Variants in UBR3 observed in about 807,000 individuals in gnomAD.
UBR3 encodes E3 ubiquitin-protein ligase UBR3.
In UBR3, 85 loss-of-function variants were observed where a neutral mutation model predicts 243.2. The observed-to-expected ratio is 0.35, with a 90% CI of 0.29 to 0.42. The LOEUF (loss-of-function observed/expected upper bound fraction) is 0.42. UBR3 is among the 10% of genes least tolerant of loss of function. UBR3 has a pLI of 1.00. For synonymous variants in UBR3, 748 were observed against 799.8 expected, an observed-to-expected ratio of 0.94 and a Z score of 1.09; for missense variants, 1,686 against 2,300.8, an observed-to-expected ratio of 0.73 and a Z score of 5.47.
intron 30 of UBR3, among the ~76,000 whole-genome samples, chr2:170,027,497 G>A (rs1413156732): frequency 6.6e-6 from 1 of 151,614 alleles, no homozygotes; most frequent in South Asian, 2.1e-4. Context: ...TATTTTCTGT[G>A]CTGGCTGTGG....
At chr2:169,908,379 A>T (rs1361670711) in intron 10 of UBR3, among the ~76,000 whole-genome samples, 1 of 152,158 alleles carries the variant, frequency 6.6e-6, no homozygotes, top group Non-Finnish European at 1.5e-5. Flanking sequence ...TATATAATCT[A>T]CTCATTTATT....
chr2:169,920,304 C>T (rs1230373260), intron 11 of UBR3, among the ~76,000 whole-genome samples: 1 of 151,982 alleles, frequency 6.6e-6, no homozygotes, highest in African/African-American at 2.4e-5. Flanking sequence ...CGTCACACAC[C>T]AGGGCCTGTT....
At chr2:169,992,781 G>A (rs1212347998) in intron 25 of UBR3, among the ~76,000 whole-genome samples, 6 of 152,070 alleles carry the variant, frequency 3.9e-5, no homozygotes, top group African/African-American at 1.4e-4. Context: ...TATATTTTGA[G>A]ACAGAGTCCC....
intron 8 of UBR3, 133 bp from the exon 9 acceptor site, chr2:169,904,981 T>C (rs1194744343): frequency 1.7e-6 from 1 of 586,506 alleles, no homozygotes; most frequent in African/African-American, 1.9e-5. Context: ...CCTAAAGCCA[T>C]ATAGGTATTA....
At chr2:169,885,228 A>T (rs1574121647) in intron 5 of UBR3, among the ~76,000 whole-genome samples, 1 of 152,194 alleles carries the variant, frequency 6.6e-6, no homozygotes, top group Non-Finnish European at 1.5e-5. Context: ...GGAAGATAGG[A>T]TGAGAATAAA....
intron 11 of UBR3, 28 bp from the exon 12 acceptor site, chr2:169,923,901 A>T (rs1328337031): frequency 2.0e-6 from 3 of 1,516,668 alleles, no homozygotes; most frequent in Non-Finnish European, 2.7e-6. Flanking sequence ...ATAGTCTTTG[A>T]CTTGTGCATT....
At position 170,045,678 on chromosome 2, in the gene UBR3, A is replaced by G. The variant is rs142066360; in HGVS notation, c.4660+4693A>G. Among the ~76,000 whole-genome samples the G allele has an allele frequency of 2.7e-3, 409 of 152,326 alleles. 5 individuals are homozygous for G. Among genetic ancestry groups the G allele is most frequent in the Non-Finnish European group, 2.4e-3 (165 of 68,032 alleles). On this transcript the variant is annotated intron_variant, in intron 32 of 38. Transcript: ENST00000272793. ...AAAAACTATTTATTTACAAGCATAC[A>G]TAACAGTAAAGAGCAGAGTTTCATG... is the stretch of plus-strand genomic sequence containing the variant.
intron 33 of UBR3, 113 bp downstream of exon 33, chr2:170,055,697 A>C: frequency 7.5e-7 from 1 of 1,341,718 alleles, no homozygotes; most frequent in Non-Finnish European, 1.0e-6. Flanking sequence ...TTTTAATTGT[A>C]AATTGAGCAC....
At chr2:169,983,729 G>GCATTGCACTT (rs1468273681) in intron 24 of UBR3, among the ~76,000 whole-genome samples, 5 of 152,172 alleles carry the variant, frequency 3.3e-5, no homozygotes, top group Admixed American at 3.3e-4. Flanking sequence ...AAGTGTAATA[G>GCATTGCACTT]CATTCAGAAG....
intron 5 of UBR3, among the ~76,000 whole-genome samples, chr2:169,889,127 A>T (rs2084227903): frequency 6.6e-6 from 1 of 152,138 alleles, no homozygotes. Flanking sequence ...TCAGATGCAG[A>T]TAATCTCCCT....
At position 170,079,061 on chromosome 2, in the gene UBR3, A is replaced by G. The variant is rs189832595; in HGVS notation, c.5200-753A>G. Among the ~76,000 whole-genome samples the G allele has an allele frequency of 5.0e-3, 763 of 152,274 alleles. 5 individuals are homozygous for G. The highest frequency in any genetic ancestry group is 7.3e-3 in the Admixed American group (112 of 15,288). ...GAGATGATCTCCATTTAAATTGACTATTACTTACAGTTTCTTAAGATAATA... is the reference window on the plus strand; with the variant it reads ...GAGATGATCTCCATTTAAATTGACTGTTACTTACAGTTTCTTAAGATAATA... On this transcript the variant is annotated intron_variant, in intron 36 of 38. Coordinates refer to ENST00000272793, the MANE Select transcript of UBR3 (RefSeq NM_172070.4).
intron 1 of UBR3, among the ~76,000 whole-genome samples, chr2:169,859,953 GT>G (rs1216971796): frequency 6.6e-6 from 1 of 152,042 alleles, no homozygotes; most frequent in Non-Finnish European, 1.5e-5. Context: ...TCCTGACCTT[GT>G]GATCCACCCG....
At chr2:170,074,816 T>G (rs2091771034) in intron 36 of UBR3, among the ~76,000 whole-genome samples, 1 of 152,186 alleles carries the variant, frequency 6.6e-6, no homozygotes, top group Non-Finnish European at 1.5e-5. Context: ...TTCATTACAT[T>G]TGTTTCTTTA....
At chr2:169,992,256 C>T (rs972909022) in intron 25 of UBR3, among the ~76,000 whole-genome samples, 4 of 152,100 alleles carry the variant, frequency 2.6e-5, no homozygotes, top group Non-Finnish European at 4.4e-5. Flanking sequence ...AAGATTGATT[C>T]AGTAATTTTT....
At chr2:170,055,383 A>G in intron 32 of UBR3, 77 bp from the exon 33 acceptor site, 1 of 1,500,174 alleles carries the variant, frequency 6.7e-7, no homozygotes, top group Non-Finnish European at 9.0e-7. Context: ...ATGCAAGGAA[A>G]GGCATATATT....
intron 8 of UBR3, among the ~76,000 whole-genome samples, chr2:169,903,160 G>T (rs1378942821): frequency 6.6e-6 from 1 of 152,132 alleles, no homozygotes; most frequent in African/African-American, 2.4e-5. Context: ...CTTTATATCT[G>T]TAATGAGGAA....
chr2:169,924,280 C>CT (rs1422906935), intron 13 of UBR3, 107 bp downstream of exon 13: 1 of 860,626 alleles, frequency 1.2e-6, no homozygotes, highest in Non-Finnish European at 1.7e-6. Flanking sequence ...TGTTTGAAAA[C>CT]TTTTTTTAAA....
At chr2:169,996,431 ACT>A (rs1421397372) in intron 26 of UBR3, among the ~76,000 whole-genome samples, 3 of 152,262 alleles carry the variant, frequency 2.0e-5, no homozygotes, top group African/African-American at 7.2e-5. Context: ...CATATAGGTC[ACT>A]CTGCATATAA....
chr2:169,961,383 A>G lies in UBR3; in HGVS notation c.3634+2857A>G, dbSNP rs546069559. ...CTTTTTTAAGAGTCAAGGTATTGCT[A>G]TGTTACCCAGGCTGGATTTGAACTC... On this transcript the variant is annotated intron_variant, in intron 24 of 38. Transcript: ENST00000272793. 8.5e-4 allele frequency among the ~76,000 whole-genome samples: 130 copies of G among 152,174 alleles called. 2 individuals are homozygous for G. Among genetic ancestry groups the G allele is most frequent in the African/African-American group, 3.0e-3 (125 of 41,530 alleles).
Sources: gnomAD v4.1 joint callset for allele counts (sites outside exome capture counted in the v4.1 genomes callset) on GRCh38, gnomAD v4.1.1 for gene constraint, MANE v1.5 for transcripts, NCBI Gene and HGNC (gene_info 2026-07-23, HGNC 2026-07-21) for gene names.